The following COX4I1 variants were observed in gnomAD, a reference collection of about 807,000 sequenced individuals.
COX4I1 encodes cytochrome c oxidase subunit 4I1.
Under a neutral mutation model 21.7 loss-of-function variants are expected in COX4I1, and 18 were observed. The ratio of observed to expected loss-of-function variants is 0.83; its 90% CI spans 0.57 to 1.23. The LOEUF is 1.23. Ranked by LOEUF, COX4I1 falls within the 50% of genes most tolerant of loss-of-function variation. The pLI is 0.00. For missense variants in COX4I1, 238 were observed against 220.7 expected, an observed-to-expected ratio of 1.08 and a Z score of -0.50; for synonymous variants, 100 against 81.5, an observed-to-expected ratio of 1.23 and a Z score of -1.23.
chr16:85,804,763 T>A lies in COX4I1; in HGVS notation c.74-174T>A, dbSNP rs932015457. On this transcript the variant is annotated intron_variant, in intron 2 of 4. Coordinates refer to ENST00000253452, the MANE Select transcript of COX4I1 (RefSeq NM_001861.6). ...TTTGTTGGCTGTGATGAGAAGTGCT[T>A]CTGTTCCCCCTCCACCACACTCCTG... The A allele has an allele frequency of 5.5e-5, 32 of 580,636 alleles. No homozygotes were observed. The Admixed American group carries it at 8.9e-4, about 16-fold the overall frequency. The allele number at this position is 580,636 out of a possible 1,614,324, so 36.0% of individuals were successfully genotyped here.
chr16:85,805,953 T>G, intron 4 of COX4I1, 89 bp downstream of exon 4: 1 of 1,555,826 alleles, frequency 6.4e-7, no homozygotes, highest in South Asian at 1.1e-5. Context: ...CCTCCATACC[T>G]TGAGGCTATG....
chr16:85,807,011 G>A lies in COX4I1; in HGVS notation c.*137G>A, dbSNP rs999527151. 6.8e-6 allele frequency: 6 copies of A among 879,664 alleles called. No individual in the cohort carries two copies. The highest frequency in any genetic ancestry group is 1.0e-5 in the Non-Finnish European group (6 of 582,432). The allele number at this position is 879,664 out of a possible 1,614,324, so 54.5% of individuals were successfully genotyped here. A position where few individuals can be genotyped will look rare whatever the true frequency, so the allele number is the denominator to read the frequency against. Reference sequence around the variant, plus strand: ...GACCAGTTTACCTGAAACCCTTTGTGATCAGTTCTTTAATGATACCTAAAT... The same window carrying A: ...GACCAGTTTACCTGAAACCCTTTGTAATCAGTTCTTTAATGATACCTAAAT... On this transcript the variant is annotated 3_prime_UTR_variant, in exon 5 of 5. Transcript: ENST00000253452.
Position 85,801,164 on chromosome 16 carries a change from T to G in COX4I1, c.-1-41T>G, listed in dbSNP as rs539727402. On this transcript the variant is annotated intron_variant, in intron 1 of 4. Coordinates refer to ENST00000253452, the MANE Select transcript of COX4I1 (RefSeq NM_001861.6). ...AAAAGAAGACTAATTCCTTGCTGTT[T>G]GTCCTTATTCATAGAGAAGGTGTAC... 8.9e-5 allele frequency: 137 copies of G among 1,530,874 alleles called. 1 individual carries two copies. In the South Asian group the frequency reaches 1.5e-3, roughly 17 times the overall value. 94.8% of individuals were successfully genotyped at this position (1,530,874 alleles called of 1,614,324 possible).
chr16:85,804,917 T>G lies in COX4I1; in HGVS notation c.74-20T>G. 1 of 1,591,344 alleles carries G rather than the reference T, an allele frequency of 6.3e-7. No individual in the cohort carries two copies. The highest frequency in any genetic ancestry group is 8.6e-7 in the Non-Finnish European group (1 of 1,168,008). On this transcript the variant is annotated intron_variant, in intron 2 of 4. Coordinates refer to ENST00000253452, the MANE Select transcript of COX4I1 (RefSeq NM_001861.6). ...TCAACTTACATGGATTTTCAAAGAT[T>G]TATTCAATATGTTTTTCAGAAAGTG...
rs557562393 is a variant in COX4I1 at position 85,804,941 on chromosome 16, T to C, written c.78T>C (p.Ser26=). The C allele has an allele frequency of 6.2e-7, 1 of 1,604,750 alleles. No homozygotes were observed. Among genetic ancestry groups the C allele is most frequent in the East Asian group, 2.2e-5 (1 of 44,772 alleles). Residue 26 remains serine, a synonymous_variant, in exon 3 of 5, where the codon AGT becomes AGC. Coordinates refer to ENST00000253452, the MANE Select transcript of COX4I1 (RefSeq NM_001861.6). The stretch of plus-strand genomic sequence containing the variant: ...TTTATTCAATATGTTTTTCAGAAAG[T>C]GTTGTGAAGAGCGAAGACTTTTCGC... ...STSVCVRAHE[S]VVKSEDFSLP...
Position 85,805,885 on chromosome 16 carries a change from G to A in COX4I1, c.373+21G>A, listed in dbSNP as rs762503301. ...CTATGGTGAGTAGAGAGGGAGGAAG[G>A]CATGGGCGCCTGGACTGGGGCTCCA... On this transcript the variant is annotated intron_variant, in intron 4 of 4. Coordinates refer to ENST00000253452, the MANE Select transcript of COX4I1 (RefSeq NM_001861.6). 4 of 1,613,606 alleles carry A rather than the reference G, an allele frequency of 2.5e-6. No individual in the cohort carries two copies. In the East Asian group the frequency reaches 8.9e-5, roughly 36 times the overall value.
Position 85,805,867 on chromosome 16 carries a change from G to C in COX4I1, c.373+3G>C. On this transcript the variant is annotated splice_donor_region_variant and intron_variant, in intron 4 of 4. Coordinates refer to ENST00000253452, the MANE Select transcript of COX4I1 (RefSeq NM_001861.6). ...TATCATGTGGCAGAAGCACTATGGT[G>C]AGTAGAGAGGGAGGAAGGCATGGGC... 1 of 1,614,140 alleles carries C rather than the reference G, an allele frequency of 6.2e-7. No individual in the cohort carries two copies. Among genetic ancestry groups the C allele is most frequent in the Non-Finnish European group, 8.5e-7 (1 of 1,180,006 alleles).
At chr16:85,805,458 C>G (rs1267801873) in intron 3 of COX4I1, 3 of 572,508 alleles carry the variant, frequency 5.2e-6, no homozygotes, top group Non-Finnish European at 9.3e-6. Context: ...TAAATAGACC[C>G]TAATACTGTA....
At chr16:85,803,739 G>C (rs1016879211) in intron 2 of COX4I1, 1 of 152,144 alleles carries the variant, frequency 6.6e-6, no homozygotes, top group African/African-American at 2.4e-5. Flanking sequence ...GTTTCGTTAC[G>C]CGTATGTGAG....
At chr16:85,805,634 T>G (rs892333080) in intron 3 of COX4I1, 99 bp from the exon 4 acceptor site, 4 of 1,553,190 alleles carry the variant, frequency 2.6e-6, no homozygotes, top group African/African-American at 1.4e-5. Context: ...CTGTGTTTCC[T>G]CCTTCACAAG....
rs1906262127 is a variant in COX4I1, at chr16:85,806,927, C to T, written c.*53C>T. 1 of 1,565,124 alleles carries T rather than the reference C, an allele frequency of 6.4e-7. No individual in the cohort carries two copies. Among genetic ancestry groups the T allele is most frequent in the Non-Finnish European group, 8.7e-7 (1 of 1,151,616 alleles). ...GCCTGGCTCTGTCACCGCCATGCAA[C>T]TCCATGCCTATTTACTGGAAACCTG... On this transcript the variant is annotated 3_prime_UTR_variant, in exon 5 of 5. Coordinates refer to ENST00000253452, the MANE Select transcript of COX4I1 (RefSeq NM_001861.6).
At chr16:85,801,740 A>C (rs1459277184) in intron 2 of COX4I1, among the ~76,000 whole-genome samples, 1 of 152,166 alleles carries the variant, frequency 6.6e-6, no homozygotes, top group African/African-American at 2.4e-5. Flanking sequence ...GAAGCTCAGG[A>C]ATCTCTTTGC....
chr16:85,806,091 G>A (rs1414181246), intron 4 of COX4I1: 2 of 630,232 alleles, frequency 3.2e-6, no homozygotes, highest in East Asian at 2.7e-5. Context: ...CTTGTTGGGT[G>A]GTGAAATACC....
chr16:85,800,220 G>A (rs1905588199), intron 1 of COX4I1, among the ~76,000 whole-genome samples: 1 of 152,268 alleles, frequency 6.6e-6, no homozygotes, highest in Admixed American at 6.5e-5. Flanking sequence ...GCTAGACGCG[G>A]GCGTTCAGCC....
chr16:85,806,054 G>A (rs933198734), intron 4 of COX4I1, 190 bp downstream of exon 4: 54 of 726,420 alleles, frequency 7.4e-5, no homozygotes, highest in Non-Finnish European at 6.7e-6. Flanking sequence ...TAGTTTATAA[G>A]CCAGCATCTG....
In COX4I1 at chr16:85,805,785, C is replaced by T. The variant is rs769057810; in HGVS notation, c.294C>T (p.Asn98=). The change falls in exon 4 of 5, where the codon AAC becomes AAT. Residue 98 remains asparagine, a synonymous_variant. Transcript: ENST00000253452. ...ESFAEMNRGS[N]EWKTVVGGAM... ...TTGCTGAGATGAACAGGGGCTCGAA[C>T]GAGTGGAAGACGGTTGTGGGCGGTG... 6.0e-5 allele frequency: 97 copies of T among 1,614,230 alleles called. No homozygotes were observed. Among genetic ancestry groups the T allele is most frequent in the South Asian group, 2.5e-4 (23 of 91,080 alleles).
chr16:85,803,655 G>A (rs1337833667), intron 2 of COX4I1: 1 of 152,232 alleles, frequency 6.6e-6, no homozygotes, highest in East Asian at 1.9e-4. Context: ...AGCAGATAGA[G>A]CAGAAATCCT....
At chr16:85,805,485 A>C in intron 3 of COX4I1, 1 of 581,954 alleles carries the variant, frequency 1.7e-6, no homozygotes. Context: ...GTAAGAAATA[A>C]TTTTGCAGTT....
intron 3 of COX4I1, 148 bp from the exon 4 acceptor site, chr16:85,805,585 G>A (rs540453934): frequency 4.5e-5 from 53 of 1,171,362 alleles, no homozygotes; most frequent in Admixed American, 1.1e-4. Flanking sequence ...ACGTACGTGC[G>A]TGAACATGAT....
Sources: allele counts gnomAD v4.1 joint callset (sites outside exome capture counted in the v4.1 genomes callset), GRCh38; gene constraint gnomAD v4.1.1; transcripts MANE v1.5; gene names NCBI Gene and HGNC (gene_info 2026-07-23, HGNC 2026-07-21).